Variants in KCNIP4 observed in about 807,000 individuals in gnomAD.
KCNIP4 encodes Kv channel-interacting protein 4.
A neutral mutation model predicts 34.0 loss-of-function variants in KCNIP4; 12 were observed. The ratio of observed to expected loss-of-function variants is 0.35; its 90% confidence interval spans 0.23 to 0.57. KCNIP4 has a LOEUF of 0.57. Among genes scored for constraint, KCNIP4 ranks in the 20% least tolerant of loss-of-function variants. The pLI, the probability that KCNIP4 is intolerant of heterozygous loss-of-function variation, is 0.83. For missense variants in KCNIP4, 238 were observed against 311.7 expected (o/e 0.76, Z 1.78); for synonymous variants, 124 against 102.2 (o/e 1.21, Z -1.29).
intron 3 of KCNIP4, among the ~76,000 whole-genome samples, chr4:20,802,418 A>G (rs1714447672): frequency 6.6e-6 from 1 of 151,910 alleles, no homozygotes; most frequent in African/African-American, 2.4e-5. Context: ...AGGGAACTTT[A>G]ATACTCTTTT....
At chr4:21,866,913 A>G (rs1006348723) in intron 1 of KCNIP4, among the ~76,000 whole-genome samples, 1 of 152,022 alleles carries the variant, frequency 6.6e-6, no homozygotes, top group East Asian at 1.9e-4. Context: ...CTGGGACTAC[A>G]GGTGCCCGCC....
chr4:21,381,676 A>G (rs1328830048), intron 1 of KCNIP4, among the ~76,000 whole-genome samples: 4 of 152,178 alleles, frequency 2.6e-5, no homozygotes, highest in African/African-American at 9.6e-5. Flanking sequence ...CTTGCCAAAG[A>G]TTACCTATTT....
chr4:21,866,474 G>A (rs535190762), intron 1 of KCNIP4, among the ~76,000 whole-genome samples: 1 of 152,238 alleles, frequency 6.6e-6, no homozygotes, highest in Non-Finnish European at 1.5e-5. Context: ...GTACAGTCTG[G>A]CCATGAAATG....
At chr4:21,053,907 C>T (rs1228293829) in intron 1 of KCNIP4, among the ~76,000 whole-genome samples, 1 of 152,182 alleles carries the variant, frequency 6.6e-6, no homozygotes, top group South Asian at 2.1e-4. Flanking sequence ...GATAGGAATA[C>T]TCAATATTGT....
intron 1 of KCNIP4, among the ~76,000 whole-genome samples, chr4:21,631,373 G>C (rs778604802): frequency 6.6e-6 from 1 of 152,180 alleles, no homozygotes; most frequent in Non-Finnish European, 1.5e-5. Context: ...TACTAAAAAT[G>C]GTAGTTATGT....
At chr4:21,637,919 A>C (rs1185359975) in intron 1 of KCNIP4, among the ~76,000 whole-genome samples, 1 of 152,220 alleles carries the variant, frequency 6.6e-6, no homozygotes, top group East Asian at 1.9e-4. Context: ...CAAGCTTTTT[A>C]CTTATCATTC....
At chr4:21,728,482 C>A (rs997613019) in intron 1 of KCNIP4, among the ~76,000 whole-genome samples, 1 of 152,160 alleles carries the variant, frequency 6.6e-6, no homozygotes, top group Non-Finnish European at 1.5e-5. Flanking sequence ...CACTAGGTGT[C>A]TGCTTCTGCC....
At chr4:20,931,582 T>G (rs1730476602) in intron 1 of KCNIP4, among the ~76,000 whole-genome samples, 1 of 152,132 alleles carries the variant, frequency 6.6e-6, no homozygotes, top group Admixed American at 6.6e-5. Context: ...GCATGTAAAC[T>G]TATCTAAAAA....
chr4:21,131,361 CT>C (rs1751055867), intron 1 of KCNIP4, among the ~76,000 whole-genome samples: 1 of 152,160 alleles, frequency 6.6e-6, no homozygotes, highest in Non-Finnish European at 1.5e-5. Context: ...GCAATCTCTT[CT>C]TTAGAAGTCA....
intron 1 of KCNIP4, among the ~76,000 whole-genome samples, chr4:21,317,486 G>A (rs1285766590): frequency 1.3e-5 from 2 of 152,078 alleles, no homozygotes; most frequent in Non-Finnish European, 2.9e-5. Flanking sequence ...TTTTCAAGGG[G>A]TTGTTAACGA....
chr4:21,668,783 T>G (rs1241707233), intron 1 of KCNIP4, among the ~76,000 whole-genome samples: 1 of 152,024 alleles, frequency 6.6e-6, no homozygotes, highest in Non-Finnish European at 1.5e-5. Context: ...GTAATACAAT[T>G]TACTTATAAT....
chr4:20,928,010 A>G (rs1052404020), intron 1 of KCNIP4, among the ~76,000 whole-genome samples: 61 of 152,142 alleles, frequency 4.0e-4, no homozygotes, highest in African/African-American at 1.4e-3. Flanking sequence ...GATAGAAAAT[A>G]CTAGAATAAA....
intron 1 of KCNIP4, among the ~76,000 whole-genome samples, chr4:21,405,876 C>T (rs905078462): frequency 6.6e-6 from 1 of 152,196 alleles, no homozygotes; most frequent in Admixed American, 6.5e-5. Context: ...GCTCTCGTTG[C>T]CCATGCTAGA....
At chr4:21,767,789 C>A (rs1376853269) in intron 1 of KCNIP4, among the ~76,000 whole-genome samples, 1 of 151,966 alleles carries the variant, frequency 6.6e-6, no homozygotes, top group Non-Finnish European at 1.5e-5. Context: ...CACACTACTA[C>A]CTGAAAGCAA....
intron 1 of KCNIP4, among the ~76,000 whole-genome samples, chr4:21,897,790 T>C (rs1243686520): frequency 6.6e-6 from 1 of 152,082 alleles, no homozygotes; most frequent in African/African-American, 2.4e-5. Flanking sequence ...AGCAACTTCA[T>C]AAGAACCAAA....
chr4:20,786,667 C>T (rs987108151), intron 3 of KCNIP4, among the ~76,000 whole-genome samples: 1 of 152,042 alleles, frequency 6.6e-6, no homozygotes. Flanking sequence ...ATAAAAAAGA[C>T]AATTTCTTGC....
At chr4:21,202,940 C>T (rs1398855324) in intron 1 of KCNIP4, among the ~76,000 whole-genome samples, 1 of 152,182 alleles carries the variant, frequency 6.6e-6, no homozygotes, top group Non-Finnish European at 1.5e-5. Context: ...CCATTGTCAC[C>T]TCTAGCTCAG....
chr4:21,013,057 C>A (rs917986767), intron 1 of KCNIP4, among the ~76,000 whole-genome samples: 3 of 152,076 alleles, frequency 2.0e-5, no homozygotes, highest in Admixed American at 6.6e-5. Context: ...CTGAAATGAT[C>A]AAAAATTGAA....
At chr4:21,444,153 A>T (rs1727748216) in intron 1 of KCNIP4, among the ~76,000 whole-genome samples, 1 of 152,192 alleles carries the variant, frequency 6.6e-6, no homozygotes, top group Non-Finnish European at 1.5e-5. Flanking sequence ...AACCAAAAAA[A>T]GTCCAGGACC....
Sources: allele counts gnomAD v4.1 joint callset (sites outside exome capture counted in the v4.1 genomes callset), GRCh38; gene constraint gnomAD v4.1.1; transcripts MANE v1.5; gene names NCBI Gene and HGNC (gene_info 2026-07-23, HGNC 2026-07-21).